ZC3H12B: variants seen among roughly 807,000 people sequenced by gnomAD.
ZC3H12B encodes the protein probable ribonuclease ZC3H12B.
In ZC3H12B, 7 loss-of-function variants were observed where a neutral mutation model predicts 43.9. The observed-to-expected ratio is 0.16, with a 90% CI of 0.09 to 0.30. The LOEUF (loss-of-function observed/expected upper bound fraction) is 0.30. ZC3H12B is among the 10% of genes least tolerant of loss of function. ZC3H12B has a pLI of 1.00. For missense variants in ZC3H12B, 475 were observed against 670.2 expected, an observed-to-expected ratio of 0.71 and a Z score of 3.22; for synonymous variants, 222 against 241.7, an observed-to-expected ratio of 0.92 and a Z score of 0.76.
At chrX:65,058,428 C>A in the ZC3H12B span, among the ~76,000 whole-genome samples, 1 of 111,956 alleles carries the variant, frequency 8.9e-6, no homozygotes, top group Non-Finnish European at 1.9e-5. Context: ...CCTGATAGTT[C>A]CTCTGGAAGT....
At chrX:65,041,047 G>A in the ZC3H12B span, among the ~76,000 whole-genome samples, 1 of 112,416 alleles carries the variant, frequency 8.9e-6, no homozygotes, top group South Asian at 3.7e-4. Context: ...AAAAGTGCTG[G>A]GATTACAGGC....
chrX:65,256,767 A>AT, the ZC3H12B span, among the ~76,000 whole-genome samples: 1 of 112,156 alleles, frequency 8.9e-6, no homozygotes, highest in African/African-American at 3.2e-5. Flanking sequence ...TGTTGAAAGA[A>AT]TTAGTAAGAT....
the ZC3H12B span, among the ~76,000 whole-genome samples, chrX:65,165,836 G>A: frequency 1.9e-4 from 21 of 111,826 alleles, no homozygotes; most frequent in African/African-American, 6.8e-4. Context: ...TGGTCAAATG[G>A]TATTTCTGGT....
chrX:65,186,616 G>A, the ZC3H12B span: 3 of 108,825 alleles, frequency 2.8e-5, no homozygotes, highest in African/African-American at 6.7e-5. Context: ...TGATTTCTGA[G>A]AATTTGGTGC....
chrX:65,321,011 C>T, the ZC3H12B span, among the ~76,000 whole-genome samples: 1 of 111,873 alleles, frequency 8.9e-6, no homozygotes, highest in Non-Finnish European at 1.9e-5. Flanking sequence ...GACAAAGATG[C>T]AAAAGCAGTC....
the ZC3H12B span, among the ~76,000 whole-genome samples, chrX:65,299,857 G>A: frequency 8.9e-6 from 1 of 112,598 alleles, no homozygotes; most frequent in African/African-American, 3.2e-5. Flanking sequence ...GAGGGGGAAC[G>A]TCTACTCCCA....
the ZC3H12B span, among the ~76,000 whole-genome samples, chrX:65,218,233 G>T: frequency 9.1e-6 from 1 of 110,321 alleles, no homozygotes. Context: ...TAGATGGACA[G>T]AGCAGCATGT....
the ZC3H12B span, among the ~76,000 whole-genome samples, chrX:65,077,481 G>T: frequency 8.9e-6 from 1 of 112,191 alleles, no homozygotes; most frequent in Admixed American, 9.4e-5. Context: ...TGTCCTAGTT[G>T]TGGATCAGGA....
At chrX:65,273,929 C>G in the ZC3H12B span, among the ~76,000 whole-genome samples, 7 of 112,183 alleles carry the variant, frequency 6.2e-5, no homozygotes, top group Non-Finnish European at 1.1e-4. Flanking sequence ...TCTTCCTTAC[C>G]CAAGAAGGGA....
At chrX:65,054,588 A>G in the ZC3H12B span, among the ~76,000 whole-genome samples, 1 of 111,647 alleles carries the variant, frequency 9.0e-6, no homozygotes, top group East Asian at 2.8e-4. Context: ...TTGGTTCTAT[A>G]TGAACTTTAA....
At chrX:65,373,897 A>ATATATATATATAC (rs1215963583) in intron 2 of ZC3H12B, among the ~76,000 whole-genome samples, 1 of 27,348 alleles carries the variant, frequency 3.7e-5, no homozygotes, top group African/African-American at 1.7e-4. Flanking sequence ...GTATAGTAAT[A>ATATATATATATAC]TATATATATA....
chrX:65,116,033 G>C, the ZC3H12B span, among the ~76,000 whole-genome samples: 1 of 111,339 alleles, frequency 9.0e-6, no homozygotes, highest in Admixed American at 9.6e-5. Flanking sequence ...ATTTTACTGT[G>C]CAGAAGCTTT....
chrX:65,378,911 A>G (rs766107958), intron 2 of ZC3H12B, among the ~76,000 whole-genome samples: 1 of 112,630 alleles, frequency 8.9e-6, no homozygotes, highest in Non-Finnish European at 1.9e-5. Flanking sequence ...GGCATAAAAA[A>G]TGGCGCACCA....
chrX:65,296,090 C>A, the ZC3H12B span, among the ~76,000 whole-genome samples: 1 of 111,758 alleles, frequency 8.9e-6, no homozygotes, highest in African/African-American at 3.2e-5. Flanking sequence ...TTTGCAATTA[C>A]AAAAATAGGG....
At chrX:65,091,472 A>G in the ZC3H12B span, among the ~76,000 whole-genome samples, 3 of 112,411 alleles carry the variant, frequency 2.7e-5, no homozygotes, top group African/African-American at 9.7e-5. Context: ...AAACTAATAC[A>G]TACCTATTAT....
At chrX:65,253,902 G>A in the ZC3H12B span, among the ~76,000 whole-genome samples, 9 of 112,111 alleles carry the variant, frequency 8.0e-5, no homozygotes, top group Non-Finnish European at 1.7e-4. Flanking sequence ...TGCACCGTGA[G>A]CAGAGGCAGA....
At chrX:65,462,137 AAATAT>A (rs1388657092) in intron 3 of ZC3H12B, among the ~76,000 whole-genome samples, 1 of 111,618 alleles carries the variant, frequency 9.0e-6, no homozygotes, top group East Asian at 2.8e-4. Context: ...TGCCTATTAA[AAATAT>A]AATAAAATGC....
the ZC3H12B span, among the ~76,000 whole-genome samples, chrX:65,332,761 A>T: frequency 1.8e-5 from 2 of 111,840 alleles, no homozygotes; most frequent in South Asian, 7.4e-4. Context: ...CTGTTATTAG[A>T]TAACAGATAA....
chrX:65,149,525 G>A, the ZC3H12B span, among the ~76,000 whole-genome samples: 1 of 110,209 alleles, frequency 9.1e-6, no homozygotes, highest in Non-Finnish European at 1.9e-5. Context: ...CAGCACTTTG[G>A]GAGGCCAAGA....
Sources: gnomAD v4.1 joint callset for allele counts (sites outside exome capture counted in the v4.1 genomes callset) on GRCh38, gnomAD v4.1.1 for gene constraint, MANE v1.5 for transcripts, NCBI Gene and HGNC (gene_info 2026-07-23, HGNC 2026-07-21) for gene names.